TENM2: variants seen among roughly 807,000 people sequenced by gnomAD.
TENM2 encodes teneurin-2.
In TENM2, 52 loss-of-function variants were observed where a neutral mutation model predicts 245.2. That is an observed-to-expected ratio of 0.21 (90% CI 0.17 to 0.27). The LOEUF is 0.27. Ranked by LOEUF, TENM2 falls within the 10% of genes least tolerant of loss-of-function variation. The pLI is 1.00. For synonymous variants in TENM2, 1,363 were observed against 1,438.9 expected, an observed-to-expected ratio of 0.95 and a Z score of 1.19; for missense variants, 3,046 against 3,666.8, an observed-to-expected ratio of 0.83 and a Z score of 4.37.
chr5:167,230,922 G>A, the TENM2 span, among the ~76,000 whole-genome samples: 1 of 152,176 alleles, frequency 6.6e-6, no homozygotes. Context: ...CCCAGTGGGA[G>A]TAATTGAATC....
At chr5:167,587,459 G>A (rs1775584923) in intron 2 of TENM2, among the ~76,000 whole-genome samples, 1 of 152,130 alleles carries the variant, frequency 6.6e-6, no homozygotes, top group Non-Finnish European at 1.5e-5. Flanking sequence ...CATTTATAAG[G>A]CCTTTTGGAA....
At chr5:167,206,767 T>C in the TENM2 span, among the ~76,000 whole-genome samples, 3 of 152,202 alleles carry the variant, frequency 2.0e-5, no homozygotes, top group East Asian at 1.9e-4. Context: ...ATGTCTCCCA[T>C]GTTTATCTGT....
At chr5:167,655,917 C>A (rs1347303877) in intron 2 of TENM2, among the ~76,000 whole-genome samples, 2 of 152,164 alleles carry the variant, frequency 1.3e-5, no homozygotes, top group African/African-American at 4.8e-5. Flanking sequence ...GTGCAGTTGT[C>A]TGTGCTCAGA....
chr5:167,126,744 A>G, the TENM2 span, among the ~76,000 whole-genome samples: 1 of 152,140 alleles, frequency 6.6e-6, no homozygotes, highest in Admixed American at 6.5e-5. Flanking sequence ...TTAGTTTAAA[A>G]ATTATATAGA....
At chr5:167,461,944 T>A (rs1766318518) in intron 2 of TENM2, among the ~76,000 whole-genome samples, 1 of 152,152 alleles carries the variant, frequency 6.6e-6, no homozygotes, top group African/African-American at 2.4e-5. Context: ...TTTGAGGGAT[T>A]AATGGTTTGT....
intron 2 of TENM2, among the ~76,000 whole-genome samples, chr5:167,829,356 C>T (rs556472639): frequency 6.6e-6 from 1 of 152,190 alleles, no homozygotes; most frequent in African/African-American, 2.4e-5. Context: ...ACCCCTAGCA[C>T]CACAATCCTT....
intron 1 of TENM2, chr5:167,287,487 T>C (rs1754354270): frequency 1.3e-5 from 2 of 152,176 alleles, no homozygotes; most frequent in Non-Finnish European, 2.9e-5. Context: ...AACACACTTC[T>C]CACATACAAC....
intron 3 of TENM2, among the ~76,000 whole-genome samples, chr5:167,929,121 GAAA>G (rs1778073310): frequency 1.4e-5 from 1 of 73,842 alleles, no homozygotes; most frequent in Non-Finnish European, 2.7e-5. Flanking sequence ...AAGAAAGAAA[GAAA>G]GAAAGAAAAG....
At chr5:168,220,529 G>T (rs1763577634) in intron 23 of TENM2, among the ~76,000 whole-genome samples, 1 of 152,148 alleles carries the variant, frequency 6.6e-6, no homozygotes, top group East Asian at 1.9e-4. Flanking sequence ...TTGATAAGCT[G>T]CCCTTTTTTT....
At chr5:167,526,459 C>G (rs1009482961) in intron 2 of TENM2, among the ~76,000 whole-genome samples, 1 of 151,284 alleles carries the variant, frequency 6.6e-6, no homozygotes, top group Non-Finnish European at 1.5e-5. Context: ...ACATGGTTGT[C>G]TATTTTTTTA....
intron 3 of TENM2, among the ~76,000 whole-genome samples, chr5:167,951,629 AG>A (rs758768295): frequency 3.1e-4 from 47 of 152,176 alleles, no homozygotes; most frequent in Admixed American, 2.6e-4. Context: ...AAAAAAACGC[AG>A]GATGCAATTT....
intron 2 of TENM2, chr5:167,755,323 A>G (rs759199488): frequency 1.9e-5 from 12 of 631,440 alleles, no homozygotes; most frequent in Admixed American, 2.6e-5. Context: ...CGGTGAAACT[A>G]TTTGATTTCG....
chr5:168,135,800 G>A (rs1343988758), intron 12 of TENM2, among the ~76,000 whole-genome samples: 1 of 152,132 alleles, frequency 6.6e-6, no homozygotes, highest in African/African-American at 2.4e-5. Flanking sequence ...AGGCCTGTTT[G>A]GTCCCCAGTG....
chr5:168,238,655 C>G (rs1765823309), intron 25 of TENM2, among the ~76,000 whole-genome samples: 1 of 152,210 alleles, frequency 6.6e-6, no homozygotes, highest in Non-Finnish European at 1.5e-5. Context: ...ATAGGCCCAG[C>G]AGGGCCGTTT....
chr5:167,730,383 T>C (rs1760336795), intron 2 of TENM2, among the ~76,000 whole-genome samples: 1 of 152,204 alleles, frequency 6.6e-6, no homozygotes, highest in East Asian at 1.9e-4. Context: ...TTGTGAGTCA[T>C]TGGCTTTGAA....
chr5:168,186,909 A>G (rs1284987120), intron 13 of TENM2: 1 of 152,180 alleles, frequency 6.6e-6, no homozygotes, highest in East Asian at 1.9e-4. Context: ...GCTGGCATAA[A>G]GACGCGATTC....
At chr5:167,825,028 T>C (rs1767843577) in intron 2 of TENM2, among the ~76,000 whole-genome samples, 1 of 151,936 alleles carries the variant, frequency 6.6e-6, no homozygotes, top group African/African-American at 2.4e-5. Flanking sequence ...AAAGAGTGTG[T>C]TTGGAGACAA....
At chr5:168,102,300 C>T (rs984676683) in intron 9 of TENM2, among the ~76,000 whole-genome samples, 37 of 152,076 alleles carry the variant, frequency 2.4e-4, no homozygotes, top group Non-Finnish European at 4.3e-4. Context: ...CTTGAACTCC[C>T]GACCTCAGGT....
intron 2 of TENM2, among the ~76,000 whole-genome samples, chr5:167,499,363 C>CA (rs1264165503): frequency 6.6e-5 from 10 of 152,040 alleles, no homozygotes; most frequent in Non-Finnish European, 1.3e-4. Context: ...GCTATAGCAC[C>CA]AGTGCTAAAA....
Sources: allele counts gnomAD v4.1 joint callset (sites outside exome capture counted in the v4.1 genomes callset), GRCh38; gene constraint gnomAD v4.1.1; transcripts MANE v1.5; gene names NCBI Gene and HGNC (gene_info 2026-07-23, HGNC 2026-07-21).